Variants in PPP2R5E observed in about 807,000 individuals in gnomAD.
PPP2R5E encodes protein phosphatase 2 regulatory subunit B'epsilon.
A neutral mutation model predicts 65.3 loss-of-function variants in PPP2R5E; 4 were observed. That is an observed-to-expected ratio of 0.06 (90% confidence interval 0.03 to 0.14). The LOEUF is 0.14. Among genes scored for constraint, PPP2R5E ranks in the 10% least tolerant of loss-of-function variants. The pLI is 1.00. For missense variants in PPP2R5E, 274 were observed against 556.1 expected (o/e 0.49, Z 5.10); for synonymous variants, 183 against 187.4 (o/e 0.98, Z 0.19).
chr14:63,461,639 T>TAAAAAA (rs1566719480), intron 2 of PPP2R5E, among the ~76,000 whole-genome samples: 7 of 87,980 alleles, frequency 8.0e-5, no homozygotes, highest in African/African-American at 4.6e-4. Flanking sequence ...TCTACAAAAT[T>TAAAAAA]TAAAAAAAAA....
intron 2 of PPP2R5E, among the ~76,000 whole-genome samples, chr14:63,524,131 T>G (rs1468148835): frequency 3.3e-5 from 5 of 152,248 alleles, no homozygotes; most frequent in Non-Finnish European, 7.3e-5. Flanking sequence ...ACATGTTCTT[T>G]TTAATGTTTT....
chr14:63,392,101 T>C (rs1266585864), intron 8 of PPP2R5E, 76 bp from the exon 9 acceptor site: 2 of 1,142,774 alleles, frequency 1.8e-6, no homozygotes, highest in Admixed American at 2.7e-5. Flanking sequence ...CTATTAAAAC[T>C]TCCTAAAAGG....
At chr14:63,493,157 T>A (rs1891364990) in intron 2 of PPP2R5E, among the ~76,000 whole-genome samples, 1 of 151,876 alleles carries the variant, frequency 6.6e-6, no homozygotes, top group Admixed American at 6.6e-5. Context: ...CTCCTTTGTG[T>A]AAAGCACTGT....
intron 2 of PPP2R5E, among the ~76,000 whole-genome samples, chr14:63,487,810 A>G (rs1891067879): frequency 6.6e-6 from 1 of 152,160 alleles, no homozygotes; most frequent in Non-Finnish European, 1.5e-5. Flanking sequence ...GATCATCTCA[A>G]CATAATCACT....
intron 2 of PPP2R5E, among the ~76,000 whole-genome samples, chr14:63,483,474 C>A (rs919652832): frequency 6.6e-6 from 1 of 152,074 alleles, no homozygotes; most frequent in Admixed American, 6.5e-5. Flanking sequence ...GCTCTCCCAG[C>A]CAAGAGAATA....
chr14:63,486,021 G>A (rs1436755594), intron 2 of PPP2R5E, among the ~76,000 whole-genome samples: 1 of 151,234 alleles, frequency 6.6e-6, no homozygotes, highest in African/African-American at 2.4e-5. Flanking sequence ...GTAGAGACAG[G>A]GTTTCACCAT....
intron 2 of PPP2R5E, among the ~76,000 whole-genome samples, chr14:63,510,878 G>A (rs1450392783): frequency 1.3e-5 from 2 of 152,218 alleles, no homozygotes; most frequent in Non-Finnish European, 2.9e-5. Flanking sequence ...AAAGGTGGAA[G>A]CAGCAGGGAA....
intron 2 of PPP2R5E, among the ~76,000 whole-genome samples, chr14:63,529,683 CTG>C (rs1893333792): frequency 6.6e-6 from 1 of 152,114 alleles, no homozygotes; most frequent in Admixed American, 6.5e-5. Flanking sequence ...AGCCGAAAGA[CTG>C]TTTTCTAAAG....
intron 5 of PPP2R5E, among the ~76,000 whole-genome samples, chr14:63,403,752 G>A (rs1359057780): frequency 3.3e-5 from 5 of 150,414 alleles, no homozygotes; most frequent in African/African-American, 1.2e-4. Flanking sequence ...ACACAGGAAA[G>A]CAAGTAAAAA....
In PPP2R5E at chr14:63,399,366, C is replaced by CTTTTTTTTTTTTTTT. The variant is rs397814218; in HGVS notation, c.550-2665_550-2651dup. On this transcript the variant is annotated intron_variant, in intron 5 of 13. Coordinates refer to ENST00000337537, the MANE Select transcript of PPP2R5E (RefSeq NM_006246.5). ...GCTACTAATAGGTCTGGATTTCTTT[C>CTTTTTTTTTTTTTTT]TTTTTTTTTTTTTTTTTTTTTTTTT... 1.4e-4 allele frequency among the ~76,000 whole-genome samples: 7 copies of CTTTTTTTTTTTTTTT among 48,518 alleles called. 1 individual carries two copies. The highest frequency in any genetic ancestry group is 2.5e-4 in the African/African-American group (3 of 12,018). 31.8% of individuals were successfully genotyped at this position (48,518 alleles called of 152,430 possible).
At chr14:63,489,186 G>A (rs118036858) in intron 2 of PPP2R5E, among the ~76,000 whole-genome samples, 1,915 of 151,824 alleles carry the variant, frequency 0.013, 32 homozygotes, top group Middle Eastern at 0.034. Flanking sequence ...AATTTGGGGG[G>A]GTAGTTTATT....
chr14:63,461,683 A>T (rs1889473606), intron 2 of PPP2R5E, among the ~76,000 whole-genome samples: 1 of 151,092 alleles, frequency 6.6e-6, no homozygotes, highest in Admixed American at 6.6e-5. Context: ...GTGTGCCTGT[A>T]GTCCCAGGTA....
chr14:63,381,408 G>A (rs1433278117), intron 13 of PPP2R5E, among the ~76,000 whole-genome samples: 1 of 152,234 alleles, frequency 6.6e-6, no homozygotes, highest in African/African-American at 2.4e-5. Context: ...TAAGTTCAGA[G>A]TGGGAGTGAA....
intron 5 of PPP2R5E, among the ~76,000 whole-genome samples, chr14:63,397,648 AT>A (rs1566673762): frequency 2.0e-5 from 3 of 151,032 alleles, no homozygotes; most frequent in Non-Finnish European, 4.4e-5. Context: ...GACTCTTGTT[AT>A]GTAGGTGTGC....
chr14:63,414,833 G>A (rs559723852), intron 5 of PPP2R5E, among the ~76,000 whole-genome samples: 3 of 152,186 alleles, frequency 2.0e-5, no homozygotes, highest in South Asian at 4.1e-4. Flanking sequence ...GCTATATAAC[G>A]ATTCCCACAA....
intron 2 of PPP2R5E, among the ~76,000 whole-genome samples, chr14:63,503,913 G>A (rs1428327372): frequency 6.6e-6 from 1 of 152,110 alleles, no homozygotes; most frequent in Non-Finnish European, 1.5e-5. Context: ...TAAAAGCAAA[G>A]CAAACAAAAC....
In PPP2R5E at chr14:63,413,726, T is replaced by C. The variant is rs558845816; in HGVS notation, c.549+1414A>G. 2.0e-5 allele frequency among the ~76,000 whole-genome samples: 3 copies of C among 152,316 alleles called. No homozygotes were observed. The East Asian group carries it at 5.8e-4, about 29-fold the overall frequency. Reference sequence around the variant, plus strand: ...CTTACATTTTTTTTGAAATAAGTTATGCTTCCCTGGCATAACAATCCATAC... The same window carrying C: ...CTTACATTTTTTTTGAAATAAGTTACGCTTCCCTGGCATAACAATCCATAC... On this transcript the variant is annotated intron_variant, in intron 5 of 13. Coordinates refer to ENST00000337537, the MANE Select transcript of PPP2R5E (RefSeq NM_006246.5).
intron 2 of PPP2R5E, among the ~76,000 whole-genome samples, chr14:63,507,317 CCT>C (rs757737285): frequency 5.3e-5 from 8 of 152,110 alleles, no homozygotes; most frequent in Non-Finnish European, 7.3e-5. Context: ...CTTCTAAAGA[CCT>C]CTCTCTTTCC....
chr14:63,506,967 G>C (rs1892214087), intron 2 of PPP2R5E, among the ~76,000 whole-genome samples: 1 of 152,230 alleles, frequency 6.6e-6, no homozygotes, highest in Admixed American at 6.5e-5. Flanking sequence ...AAAAAGGAAT[G>C]AAGTGCTGAC....
Sources: gnomAD v4.1 joint callset for allele counts (sites outside exome capture counted in the v4.1 genomes callset) on GRCh38, gnomAD v4.1.1 for gene constraint, MANE v1.5 for transcripts, NCBI Gene and HGNC (gene_info 2026-07-23, HGNC 2026-07-21) for gene names.